Variants in SCD5 observed in about 807,000 individuals in gnomAD.
SCD5 encodes stearoyl-CoA desaturase 5, also known as acyl-CoA-desaturase 4.
SCD5 carries 20 observed loss-of-function variants against 30.4 expected under a neutral mutation model. The ratio of observed to expected loss-of-function variants is 0.66; its 90% CI spans 0.46 to 0.96. The LOEUF (loss-of-function observed/expected upper bound fraction) is 0.96, where lower values mean the gene tolerates loss of function less well. Ranked by LOEUF, SCD5 falls within the 40% of genes least tolerant of loss-of-function variation. SCD5 has a pLI of 0.00. For synonymous variants in SCD5, 173 were observed against 176.4 expected (o/e 0.98, Z 0.16); for missense variants, 381 against 443.3 (o/e 0.86, Z 1.26).
At chr4:82,776,996 G>C (rs895991078) in intron 1 of SCD5, among the ~76,000 whole-genome samples, 6 of 152,218 alleles carry the variant, frequency 3.9e-5, no homozygotes, top group Non-Finnish European at 8.8e-5. Flanking sequence ...CTGGGAAGCT[G>C]TGCTGAACTA....
chr4:82,650,666 A>T (rs997457907), intron 3 of SCD5, among the ~76,000 whole-genome samples: 11 of 78,464 alleles, frequency 1.4e-4, no homozygotes, highest in Admixed American at 3.4e-4. Flanking sequence ...ACTGCACTCC[A>T]GCCTGGGTGA....
chr4:82,648,891 T>C (rs928070825), intron 3 of SCD5, among the ~76,000 whole-genome samples: 6 of 152,178 alleles, frequency 3.9e-5, no homozygotes, highest in African/African-American at 7.2e-5. Context: ...ATCATGACAT[T>C]GATTCGAAGA....
At chr4:82,735,914 A>G (rs1720740768) in intron 1 of SCD5, among the ~76,000 whole-genome samples, 1 of 152,244 alleles carries the variant, frequency 6.6e-6, no homozygotes, top group Non-Finnish European at 1.5e-5. Flanking sequence ...CACAGTTTCC[A>G]AGAACTTGTC....
chr4:82,695,793 C>T (rs1560536355), intron 2 of SCD5, among the ~76,000 whole-genome samples: 1 of 152,162 alleles, frequency 6.6e-6, no homozygotes, highest in African/African-American at 2.4e-5. Context: ...CCCTACCCTC[C>T]TCTTCTTCTT....
intron 1 of SCD5, among the ~76,000 whole-genome samples, chr4:82,752,594 C>G (rs898499406): frequency 1.4e-4 from 21 of 152,262 alleles, no homozygotes; most frequent in Admixed American, 8.5e-4. Context: ...TTCCAGGGAG[C>G]ATGATCTTCA....
chr4:82,698,120 A>G (rs1719735357), intron 2 of SCD5: 1 of 456,514 alleles, frequency 2.2e-6, no homozygotes, highest in South Asian at 1.5e-5. Context: ...ACACCCACCC[A>G]TCTTGAAAGG....
At chr4:82,644,956 C>T (rs986485978) in intron 3 of SCD5, among the ~76,000 whole-genome samples, 3 of 152,214 alleles carry the variant, frequency 2.0e-5, no homozygotes, top group African/African-American at 4.8e-5. Context: ...GAGTGACTTC[C>T]TCTCTGCCTA....
intron 1 of SCD5, among the ~76,000 whole-genome samples, chr4:82,757,463 A>G (rs780732198): frequency 1.3e-4 from 20 of 152,146 alleles, no homozygotes; most frequent in Admixed American, 2.6e-4. Context: ...ACTGAATTGA[A>G]TTGCCCCCGT....
chr4:82,641,200 G>A (rs1437242108), intron 3 of SCD5, among the ~76,000 whole-genome samples: 1 of 126,956 alleles, frequency 7.9e-6, no homozygotes, highest in East Asian at 2.5e-4. Context: ...GTTGCAGTGA[G>A]CCAAGATCAT....
chr4:82,796,276 A>C (rs1193546107), intron 1 of SCD5, among the ~76,000 whole-genome samples: 1 of 151,956 alleles, frequency 6.6e-6, no homozygotes, highest in Non-Finnish European at 1.5e-5. Flanking sequence ...TCTCAAAAAA[A>C]AAAAAAAGAC....
rs543699928 is a variant in SCD5 at position 82,731,163 on chromosome 4, G to C, written c.233-25750C>G. Among the ~76,000 whole-genome samples, 9 of 152,162 alleles carry C rather than the reference G, an allele frequency of 5.9e-5. No homozygotes were observed. The South Asian group carries it at 1.0e-3, about 17-fold the overall frequency. ...TTGAGAACGGAAAGCTGGGGGTAGG[G>C]GCAGAGAGGATACAGCAGAACTCTC... is the stretch of plus-strand genomic sequence containing the variant. On this transcript the variant is annotated intron_variant, in intron 1 of 4. Transcript: ENST00000319540.
intron 1 of SCD5, among the ~76,000 whole-genome samples, chr4:82,741,535 G>C (rs1234038874): frequency 1.3e-5 from 2 of 152,162 alleles, no homozygotes; most frequent in Non-Finnish European, 2.9e-5. Flanking sequence ...CAGAGGAACT[G>C]ACCAGCCAGC....
At chr4:82,712,297 T>TACATATATATATATATATACG (rs1560540874) in intron 1 of SCD5, among the ~76,000 whole-genome samples, 1 of 33,766 alleles carries the variant, frequency 3.0e-5, no homozygotes, top group Non-Finnish European at 6.3e-5. Context: ...TATATATATA[T>TACATATATATATATATATACG]TTTATTTTTA....
intron 3 of SCD5, among the ~76,000 whole-genome samples, chr4:82,667,889 GC>G (rs1325216818): frequency 6.6e-6 from 1 of 152,170 alleles, no homozygotes; most frequent in African/African-American, 2.4e-5. Context: ...CAGGGCTCAA[GC>G]TGTTAACCAA....
intron 4 of SCD5, among the ~76,000 whole-genome samples, chr4:82,633,962 G>A (rs770906270): frequency 4.6e-5 from 7 of 152,130 alleles, no homozygotes; most frequent in Non-Finnish European, 1.0e-4. Flanking sequence ...TATCTGTGTA[G>A]ATTTGCCTAT....
intron 2 of SCD5, among the ~76,000 whole-genome samples, chr4:82,699,359 T>C (rs943443211): frequency 2.0e-5 from 3 of 152,126 alleles, no homozygotes; most frequent in Non-Finnish European, 2.9e-5. Context: ...AGGAAAATAA[T>C]AGTACCTACT....
chr4:82,700,881 C>CA (rs1719821294), intron 2 of SCD5, among the ~76,000 whole-genome samples: 1 of 144,740 alleles, frequency 6.9e-6, no homozygotes, highest in Admixed American at 7.0e-5. Flanking sequence ...ACTTGCCTTG[C>CA]AAAAAATGGT....
intron 2 of SCD5, chr4:82,692,591 G>A (rs1166470569): frequency 3.3e-5 from 5 of 152,318 alleles, no homozygotes; most frequent in Admixed American, 1.3e-4. Context: ...CTCCATCAGC[G>A]GCTGCGTGGG....
chr4:82,777,960 A>G (rs1428735648), intron 1 of SCD5, among the ~76,000 whole-genome samples: 1 of 147,310 alleles, frequency 6.8e-6, no homozygotes, highest in Non-Finnish European at 1.5e-5. Context: ...AAGTCATGGA[A>G]CCAACCCAAA....
Sources: gnomAD v4.1 joint callset for allele counts (sites outside exome capture counted in the v4.1 genomes callset) on GRCh38, gnomAD v4.1.1 for gene constraint, MANE v1.5 for transcripts, NCBI Gene and HGNC (gene_info 2026-07-23, HGNC 2026-07-21) for gene names.